Variants in RGS12 observed in about 807,000 individuals in gnomAD.
The protein encoded by RGS12 is regulator of G-protein signaling 12.
RGS12 carries 66 observed loss-of-function variants against 120.1 expected under a neutral mutation model. The ratio of observed to expected loss-of-function variants is 0.55; its 90% CI spans 0.45 to 0.67. The LOEUF (loss-of-function observed/expected upper bound fraction) is 0.67, where lower values mean the gene tolerates loss of function less well. Ranked by LOEUF, RGS12 falls within the 30% of genes least tolerant of loss-of-function variation. RGS12 has a pLI of 0.00. For missense variants in RGS12, 1,859 were observed against 1,957.7 expected (o/e 0.95, Z 0.95); for synonymous variants, 827 against 804.7 (o/e 1.03, Z -0.47).
Position 3,428,117 on chromosome 4 carries a change from C to T in RGS12, c.3359C>T (p.Pro1120Leu), listed in dbSNP as rs138418915. The change falls in exon 15 of 18, where the codon CCA becomes CTA. Residue 1120 changes from proline to leucine, a missense_variant. Physicochemically the swap from Pro to Leu is moderately conservative, Grantham distance 98. Around this residue, in one of 3 missense-constraint regions of RGS12, gnomAD observed 517 missense variants for 488.5 expected, o/e 1.06. Coordinates refer to ENST00000336727, the MANE Select transcript of RGS12 (RefSeq NM_001394154.1). ...KASADKQKGV[P>L]VKQNTAVNSS... ...TCCGCAGATAAACAGAAAGGTGTGC[C>T]AGTGAAACAGAACACAGCTGTAAAT... is the stretch of plus-strand genomic sequence containing the variant. The T allele has an allele frequency of 7.4e-4, 1,193 of 1,613,682 alleles. 33 individuals carry two copies. In the South Asian group the frequency reaches 0.011, roughly 15 times the overall value.
chr4:3,306,536 C>T (rs1325703500), intron 1 of RGS12, among the ~76,000 whole-genome samples: 1 of 152,258 alleles, frequency 6.6e-6, no homozygotes, highest in Non-Finnish European at 1.5e-5. Flanking sequence ...CCTGTCCTGC[C>T]TTGCTTGTAG....
At chr4:3,428,470 T>C in intron 15 of RGS12, 88 bp from the exon 16 acceptor site, 1 of 1,167,102 alleles carries the variant, frequency 8.6e-7, no homozygotes. Context: ...GCAATCTATT[T>C]CATAGAGCCT....
At position 3,329,607 on chromosome 4, in the gene RGS12, C is replaced by T. The variant is rs139942095; in HGVS notation, c.1881+11556C>T. 3.9e-3 allele frequency among the ~76,000 whole-genome samples: 559 copies of T among 142,282 alleles called. 5 individuals carry two copies. The highest frequency in any genetic ancestry group is 0.016 in the African/African-American group (542 of 33,328). 93.3% of individuals were successfully genotyped at this position (142,282 alleles called of 152,430 possible). ...AACTGCAGGGAGGGGAACAGTGCGG[C>T]GCACCCGAGAGGGCTTGAGTGTGAT... On this transcript the variant is annotated intron_variant, in intron 2 of 17. Transcript: ENST00000336727.
At chr4:3,319,816 G>C (rs745557541) in intron 2 of RGS12, among the ~76,000 whole-genome samples, 7 of 152,172 alleles carry the variant, frequency 4.6e-5, no homozygotes, top group Non-Finnish European at 8.8e-5. Flanking sequence ...CTTGATCTGA[G>C]CCCTGGTCTG....
At chr4:3,368,603 T>TGG (rs1560119884) in intron 3 of RGS12, among the ~76,000 whole-genome samples, 1 of 108,812 alleles carries the variant, frequency 9.2e-6, no homozygotes, top group African/African-American at 3.7e-5. Context: ...TGTGTGTGTG[T>TGG]GGGTACCTGT....
chr4:3,370,126 C>T lies in RGS12; in HGVS notation c.1999-16290C>T. The T allele has an allele frequency of 5.5e-6, 8 of 1,465,030 alleles. No homozygotes were observed. The South Asian group carries it at 1.2e-4, about 23-fold the overall frequency. 90.8% of individuals were successfully genotyped at this position (1,465,030 alleles called of 1,614,324 possible). On this transcript the variant is annotated intron_variant, in intron 3 of 17. Coordinates refer to ENST00000336727, the MANE Select transcript of RGS12 (RefSeq NM_001394154.1). ...AACCCTGGCAAGCCACAGCTTCCTGCAGTGTCCTGTTGCCATGGGTTACGA... is the reference window on the plus strand; with the variant it reads ...AACCCTGGCAAGCCACAGCTTCCTGTAGTGTCCTGTTGCCATGGGTTACGA...
At position 3,384,223 on chromosome 4, in the gene RGS12, C is replaced by T. The variant is rs569839090; in HGVS notation, c.1999-2193C>T. On this transcript the variant is annotated intron_variant, in intron 3 of 17. Transcript: ENST00000336727. ...AGGCTGGAGTGTAGTGGCACGATCT[C>T]GGCTCATTGCAACCTCTACCTCCCG... 1.2e-4 allele frequency among the ~76,000 whole-genome samples: 19 copies of T among 152,230 alleles called. No individual in the cohort carries two copies. The South Asian group carries it at 3.5e-3, about 28-fold the overall frequency.
upstream of RGS12, among the ~76,000 whole-genome samples, chr4:3,292,805 C>G (rs970664309): frequency 6.6e-6 from 1 of 152,208 alleles, no homozygotes; most frequent in Non-Finnish European, 1.5e-5. Context: ...CGTGGAGGCC[C>G]CGTCCCTCGC....
chr4:3,308,111 G>A (rs867577725), intron 1 of RGS12, among the ~76,000 whole-genome samples: 4 of 152,214 alleles, frequency 2.6e-5, no homozygotes, highest in African/African-American at 9.6e-5. Flanking sequence ...CCCAGGGGCC[G>A]TGTGCACAGT....
At chr4:3,327,452 C>G (rs1419539582) in intron 2 of RGS12, among the ~76,000 whole-genome samples, 1 of 152,198 alleles carries the variant, frequency 6.6e-6, no homozygotes, top group South Asian at 2.1e-4. Context: ...TAAAGAACTT[C>G]TGCACAGCAA....
chr4:3,328,705 A>G lies in RGS12; in HGVS notation c.1881+10654A>G, dbSNP rs141151593. Among the ~76,000 whole-genome samples the G allele has an allele frequency of 2.4e-4, 36 of 152,362 alleles. 1 individual carries two copies. The South Asian group carries it at 3.5e-3, about 15-fold the overall frequency. ...ATAGTAGTTTTGCAGTTAGGTAGTA[A>G]TGCAGATGGTAGTGAGATTTCTCTT... On this transcript the variant is annotated intron_variant, in intron 2 of 17. Coordinates refer to ENST00000336727, the MANE Select transcript of RGS12 (RefSeq NM_001394154.1).
At chr4:3,405,817 T>A (rs1006990109) in intron 4 of RGS12, among the ~76,000 whole-genome samples, 1 of 152,168 alleles carries the variant, frequency 6.6e-6, no homozygotes, top group South Asian at 2.1e-4. Flanking sequence ...GCAGGAAGAA[T>A]GCGGACATTT....
At chr4:3,341,135 A>T (rs1319040673) in intron 2 of RGS12, among the ~76,000 whole-genome samples, 1 of 148,922 alleles carries the variant, frequency 6.7e-6, no homozygotes, top group East Asian at 2.0e-4. Flanking sequence ...TGCCAAGAGG[A>T]TAGTGACACC....
At chr4:3,392,329 T>A (rs916930867) in intron 4 of RGS12, among the ~76,000 whole-genome samples, 4 of 152,240 alleles carry the variant, frequency 2.6e-5, no homozygotes, top group Non-Finnish European at 5.9e-5. Flanking sequence ...AGTCTCAGGT[T>A]GGTTTTTCTG....
rs147074454 is a variant in RGS12 at position 3,331,396 on chromosome 4, T to G, written c.1882-11541T>G. Among the ~76,000 whole-genome samples, 7 of 151,170 alleles carry G rather than the reference T, an allele frequency of 4.6e-5. No individual in the cohort carries two copies. The East Asian group carries it at 1.4e-3, about 29-fold the overall frequency. On this transcript the variant is annotated intron_variant, in intron 2 of 17. Transcript: ENST00000336727. ...ATGATGGGAATATGAACATATTTAC[T>G]AAAAAAAAACTTCCTTTGAAGGAAA...
At chr4:3,350,306 G>A (rs577738517) in intron 3 of RGS12, among the ~76,000 whole-genome samples, 3 of 152,270 alleles carry the variant, frequency 2.0e-5, no homozygotes, top group South Asian at 2.1e-4. Flanking sequence ...GTAAAGCTGG[G>A]CAAAAATGTA....
intron 4 of RGS12, among the ~76,000 whole-genome samples, chr4:3,401,255 G>A (rs1720549036): frequency 6.6e-6 from 1 of 152,188 alleles, no homozygotes; most frequent in Non-Finnish European, 1.5e-5. Flanking sequence ...AGAATTTTAG[G>A]TGATAAGCCC....
intron 4 of RGS12, among the ~76,000 whole-genome samples, chr4:3,387,690 C>T (rs1242797281): frequency 6.6e-6 from 1 of 152,124 alleles, no homozygotes; most frequent in Non-Finnish European, 1.5e-5. Flanking sequence ...GAAACAGGAC[C>T]CGGAACCAAA....
intron 1 of RGS12, among the ~76,000 whole-genome samples, chr4:3,297,035 A>G (rs1397820557): frequency 6.6e-6 from 1 of 152,262 alleles, no homozygotes; most frequent in African/African-American, 2.4e-5. Context: ...GCTCCGGGCA[A>G]GGAACTCTTG....
Sources: allele counts gnomAD v4.1 joint callset (sites outside exome capture counted in the v4.1 genomes callset), GRCh38; gene constraint gnomAD v4.1.1; regional missense constraint gnomAD v4.1.1; transcripts MANE v1.5; gene names NCBI Gene and HGNC (gene_info 2026-07-23, HGNC 2026-07-21).